The following NRXN3 variants were observed in gnomAD, a reference collection of about 807,000 sequenced individuals.
NRXN3 encodes neurexin 3, also known as neurexin III.
A neutral mutation model predicts 137.6 loss-of-function variants in NRXN3; 32 were observed. The observed-to-expected ratio is 0.23, with a 90% CI of 0.18 to 0.31. The LOEUF (loss-of-function observed/expected upper bound fraction) is 0.31. Ranked by LOEUF, NRXN3 falls within the 10% of genes least tolerant of loss-of-function variation. The pLI, the probability that NRXN3 is intolerant of heterozygous loss-of-function variation, is 1.00. For missense variants in NRXN3, 1,574 were observed against 2,062.5 expected (o/e 0.76, Z 4.59); for synonymous variants, 798 against 784.5 (o/e 1.02, Z -0.29).
In NRXN3 at chr14:79,219,835, T is replaced by C. The variant is rs184092444; in HGVS notation, c.3262+231694T>C. Among the ~76,000 whole-genome samples the C allele has an allele frequency of 1.6e-4, 24 of 152,326 alleles. 1 individual carries two copies. In the East Asian group the frequency reaches 3.1e-3, roughly 20 times the overall value. ...ACTTCAACCCAAATTAGTTTAATGATGCTATAGAGGCAGAGTTGTTTTCCC... is the reference window on the plus strand; with the variant it reads ...ACTTCAACCCAAATTAGTTTAATGACGCTATAGAGGCAGAGTTGTTTTCCC... On this transcript the variant is annotated intron_variant, in intron 15 of 20. Coordinates refer to ENST00000335750, the MANE Select transcript of NRXN3 (RefSeq NM_001330195.2).
chr14:79,508,674 G>C (rs112262286), intron 16 of NRXN3, among the ~76,000 whole-genome samples: 10,401 of 151,724 alleles, frequency 0.069, 1,034 homozygotes, highest in African/African-American at 0.21. Context: ...TTACAGGTGT[G>C]AGCCACCGCG....
intron 4 of NRXN3, among the ~76,000 whole-genome samples, chr14:78,636,759 C>T (rs2097570566): frequency 6.6e-6 from 1 of 152,132 alleles, no homozygotes; most frequent in African/African-American, 2.4e-5. Context: ...CAGTACATTA[C>T]ATAAATTATT....
At chr14:79,834,306 AC>A (rs2099330840) in intron 20 of NRXN3, among the ~76,000 whole-genome samples, 2 of 151,916 alleles carry the variant, frequency 1.3e-5, no homozygotes, top group Admixed American at 6.6e-5. Flanking sequence ...TCATTTTCTT[AC>A]TTCTGTTTCT....
At chr14:79,381,199 C>A (rs895972940) in intron 15 of NRXN3, among the ~76,000 whole-genome samples, 4 of 142,342 alleles carry the variant, frequency 2.8e-5, no homozygotes, top group African/African-American at 2.5e-5. Context: ...TCTTTTAATG[C>A]GTTGAATGTT....
intron 4 of NRXN3, among the ~76,000 whole-genome samples, chr14:78,629,907 C>T (rs1566930175): frequency 6.6e-6 from 1 of 152,092 alleles, no homozygotes; most frequent in African/African-American, 2.4e-5. Flanking sequence ...CTTCAAAAAC[C>T]AAAATGCCAA....
intron 19 of NRXN3, among the ~76,000 whole-genome samples, chr14:79,734,622 C>T (rs1251244319): frequency 6.6e-6 from 1 of 151,814 alleles, no homozygotes; most frequent in African/African-American, 2.4e-5. Context: ...ACTCATAACC[C>T]CTATTTTTGG....
intron 10 of NRXN3, among the ~76,000 whole-genome samples, chr14:78,831,401 TTGTAGGCGCCTGTAATCCCAGC>T (rs1352546003): frequency 4.6e-5 from 7 of 151,286 alleles, no homozygotes; most frequent in Non-Finnish European, 1.0e-4. Flanking sequence ...CCGGGCGTGG[TTGTAGGCGCCTGTAATCCCAGC>T]TACTTGGGAT....
intron 8 of NRXN3, among the ~76,000 whole-genome samples, chr14:78,793,442 GA>G (rs2098811547): frequency 6.6e-6 from 1 of 152,130 alleles, no homozygotes; most frequent in Admixed American, 6.5e-5. Flanking sequence ...ATAGGACCCA[GA>G]AATGAGAATG....
intron 16 of NRXN3, among the ~76,000 whole-genome samples, chr14:79,623,712 C>A (rs1188693942): frequency 1.3e-5 from 2 of 152,174 alleles, no homozygotes; most frequent in African/African-American, 4.8e-5. Flanking sequence ...GAACTACTAG[C>A]CTATCACCCA....
intron 1 of NRXN3, among the ~76,000 whole-genome samples, chr14:78,218,492 T>A (rs1417699177): frequency 6.6e-6 from 1 of 152,214 alleles, no homozygotes; most frequent in Non-Finnish European, 1.5e-5. Flanking sequence ...CCTGGCCAGA[T>A]GCCACAGGGT....
chr14:79,031,982 C>T (rs1261293071), intron 15 of NRXN3, among the ~76,000 whole-genome samples: 1 of 152,054 alleles, frequency 6.6e-6, no homozygotes. Context: ...ATAACCCAAC[C>T]GGACTAAGAC....
At chr14:78,833,678 T>G (rs1173574074) in intron 10 of NRXN3, among the ~76,000 whole-genome samples, 1 of 152,140 alleles carries the variant, frequency 6.6e-6, no homozygotes, top group Non-Finnish European at 1.5e-5. Context: ...GGGAAATTGT[T>G]TCTGGTGGTT....
chr14:79,783,313 G>A (rs1037355680), intron 19 of NRXN3, among the ~76,000 whole-genome samples: 1 of 152,186 alleles, frequency 6.6e-6, no homozygotes, highest in African/African-American at 2.4e-5. Context: ...AGGAGGAAAT[G>A]TGTGACCCAG....
At chr14:78,925,003 T>G (rs934879850) in intron 10 of NRXN3, among the ~76,000 whole-genome samples, 2 of 152,206 alleles carry the variant, frequency 1.3e-5, no homozygotes, top group Non-Finnish European at 2.9e-5. Context: ...TCTTCATCTT[T>G]ATAATTCCAA....
At chr14:78,872,837 C>T (rs2152570367) in intron 10 of NRXN3, among the ~76,000 whole-genome samples, 1 of 152,222 alleles carries the variant, frequency 6.6e-6, no homozygotes, top group Non-Finnish European at 1.5e-5. Context: ...GTCTGTTAGG[C>T]AGATTGGTCT....
intron 16 of NRXN3, among the ~76,000 whole-genome samples, chr14:79,591,882 G>C (rs1413439788): frequency 6.6e-6 from 1 of 152,060 alleles, no homozygotes; most frequent in Non-Finnish European, 1.5e-5. Context: ...TTTAATGTTT[G>C]GATTGAGCAA....
chr14:79,526,785 A>G (rs2097124443), intron 16 of NRXN3, among the ~76,000 whole-genome samples: 1 of 152,186 alleles, frequency 6.6e-6, no homozygotes, highest in Non-Finnish European at 1.5e-5. Flanking sequence ...AACGAACGTG[A>G]GAGACACTTA....
At chr14:79,006,756 G>A (rs2099553960) in intron 15 of NRXN3, among the ~76,000 whole-genome samples, 3 of 152,074 alleles carry the variant, frequency 2.0e-5, no homozygotes. Flanking sequence ...CCAGTGGAAT[G>A]AACTGTTATG....
chr14:78,945,687 G>A (rs1428057822), intron 10 of NRXN3, among the ~76,000 whole-genome samples: 6 of 152,206 alleles, frequency 3.9e-5, no homozygotes, highest in South Asian at 2.1e-4. Flanking sequence ...GTGTTAGTCC[G>A]CTCTGCTCAG....
Sources: allele counts gnomAD v4.1 joint callset (sites outside exome capture counted in the v4.1 genomes callset), GRCh38; gene constraint gnomAD v4.1.1; transcripts MANE v1.5; gene names NCBI Gene and HGNC (gene_info 2026-07-23, HGNC 2026-07-21).